REEP5: variants seen among roughly 807,000 people sequenced by gnomAD.
The protein encoded by REEP5 is receptor expression-enhancing protein 5.
In REEP5, 24 loss-of-function variants were observed where a neutral mutation model predicts 22.4. That is an observed-to-expected ratio of 1.07 (90% confidence interval 0.78 to 1.51). The LOEUF is 1.51. Ranked by LOEUF, REEP5 falls within the 40% of genes most tolerant of loss-of-function variation. The pLI, the probability that REEP5 is intolerant of heterozygous loss-of-function variation, is 0.00. For synonymous variants in REEP5, 103 were observed against 88.6 expected, an observed-to-expected ratio of 1.16 and a Z score of -0.92; for missense variants, 252 against 233.0, an observed-to-expected ratio of 1.08 and a Z score of -0.53.
At position 112,892,775 on chromosome 5, in the gene REEP5, ACAG is replaced by A. The variant is rs1768522252; in HGVS notation, c.352-5595_352-5593del. 1.9e-6 allele frequency: 3 copies of A among 1,614,092 alleles called. No individual in the cohort carries two copies. In the East Asian group the frequency reaches 6.7e-5, roughly 36 times the overall value. ...AAGATGGGCCACCACGACCACTACT[ACAG>A]CAGGCAGCGGGGAAGGAGAAACCCT... On this transcript the variant is annotated intron_variant, in intron 3 of 4. Coordinates refer to ENST00000379638, the MANE Select transcript of REEP5 (RefSeq NM_005669.5).
chr5:112,908,471 T>C (rs2150046162), intron 2 of REEP5, among the ~76,000 whole-genome samples: 1 of 152,230 alleles, frequency 6.6e-6, no homozygotes, highest in East Asian at 1.9e-4. Context: ...TTGTTAAAAA[T>C]AAACACTAAA....
chr5:112,902,500 A>T lies in REEP5; in HGVS notation c.231T>A (p.Ser77Arg), dbSNP rs1259461367. 1.2e-6 allele frequency: 2 copies of T among 1,606,848 alleles called. No homozygotes were observed. Among genetic ancestry groups the T allele is most frequent in the Non-Finnish European group, 1.7e-6 (2 of 1,177,656 alleles). The change falls in exon 3 of 5, where the codon AGT becomes AGA. Residue 77 changes from serine to arginine, a missense_variant. By Grantham distance (110) the Ser-to-Arg change is moderately radical. Transcript: ENST00000379638. ...PAYISIKAIE[S>R]PNKEDDTQWL... ...ACTGGGTATCATCTTCTTTGTTGGG[A>T]CTCTCTATAGCTTTAATTCTGAAAG... is the stretch of plus-strand genomic sequence containing the variant.
At chr5:112,922,051 G>T in intron 1 of REEP5, 22 bp downstream of exon 1, 1 of 1,582,044 alleles carries the variant, frequency 6.3e-7, no homozygotes. Context: ...CCTACCAGCG[G>T]CGGCGACCCC....
chr5:112,910,424 T>G (rs1057201746), intron 2 of REEP5, among the ~76,000 whole-genome samples: 12 of 152,174 alleles, frequency 7.9e-5, no homozygotes, highest in Admixed American at 2.6e-4. Flanking sequence ...AATTTCACTG[T>G]GAACCTAAAA....
chr5:112,906,703 A>G (rs575067828), intron 2 of REEP5, among the ~76,000 whole-genome samples: 7 of 152,316 alleles, frequency 4.6e-5, no homozygotes, highest in African/African-American at 1.7e-4. Context: ...TACAGAACTT[A>G]TTAAAAATAT....
chr5:112,891,844 T>C lies in REEP5; in HGVS notation c.352-4661A>G, dbSNP rs748203459. 16 of 1,550,898 alleles carry C rather than the reference T, an allele frequency of 1.0e-5. No homozygotes were observed. In the East Asian group the frequency reaches 3.6e-4, roughly 35 times the overall value. On this transcript the variant is annotated intron_variant, in intron 3 of 4. Transcript: ENST00000379638. ...ACAACAACTAGAAGAAGAGAAGCTA[T>C]TGGAAAGAGAGAGGGAAAGATTACA...
Position 112,906,607 on chromosome 5 carries a change from G to C in REEP5, c.213-4089C>G, listed in dbSNP as rs1768960776. On this transcript the variant is annotated intron_variant, in intron 2 of 4. Coordinates refer to ENST00000379638, the MANE Select transcript of REEP5 (RefSeq NM_005669.5). ...TCTACTCACCTGGATTTGCAGGGGG[G>C]AACTATCAGAAGTGAACAGGATAGT... Among the ~76,000 whole-genome samples, 4 of 152,216 alleles carry C rather than the reference G, an allele frequency of 2.6e-5. No individual in the cohort carries two copies. In the South Asian group the frequency reaches 8.3e-4, roughly 32 times the overall value.
At chr5:112,891,544 C>T (rs1768447921) in intron 3 of REEP5, 3 of 1,497,856 alleles carry the variant, frequency 2.0e-6, no homozygotes, top group East Asian at 5.0e-5. Flanking sequence ...ATAAAATATT[C>T]ATAAGTAGAA....
intron 4 of REEP5, among the ~76,000 whole-genome samples, chr5:112,880,804 A>G (rs888688691): frequency 6.6e-6 from 1 of 152,208 alleles, no homozygotes; most frequent in African/African-American, 2.4e-5. Context: ...GGCTAAGGGA[A>G]GGGAGAAGAA....
At chr5:112,913,345 A>AAAAG (rs766554555) in intron 2 of REEP5, among the ~76,000 whole-genome samples, 1 of 148,564 alleles carries the variant, frequency 6.7e-6, no homozygotes, top group Non-Finnish European at 1.5e-5. Flanking sequence ...GAAAAGAAAG[A>AAAAG]AAAGAAAGAA....
intron 2 of REEP5, among the ~76,000 whole-genome samples, chr5:112,908,093 TG>T (rs371997593): frequency 0.21 from 28,055 of 130,758 alleles, 4,079 homozygotes; most frequent in Non-Finnish European, 0.28. Flanking sequence ...AGACTTTCTT[TG>T]TTTTTTGTTT....
intron 3 of REEP5, among the ~76,000 whole-genome samples, 195 bp downstream of exon 3, chr5:112,902,185 G>A (rs1768864374): frequency 6.7e-6 from 1 of 149,842 alleles, no homozygotes; most frequent in South Asian, 2.1e-4. Flanking sequence ...TACTCGGGAG[G>A]CTGAGGCAAG....
intron 2 of REEP5, among the ~76,000 whole-genome samples, chr5:112,908,086 C>CTTTGTTT (rs1561657600): frequency 5.2e-5 from 4 of 76,766 alleles, no homozygotes; most frequent in African/African-American, 1.4e-4. Context: ...GCATCAGAGA[C>CTTTGTTT]TTTCTTTGTT....
chr5:112,920,746 T>C (rs1769336534), intron 2 of REEP5, among the ~76,000 whole-genome samples: 1 of 152,200 alleles, frequency 6.6e-6, no homozygotes, highest in Non-Finnish European at 1.5e-5. Flanking sequence ...TAATTATGAA[T>C]TAAGGAAGAC....
chr5:112,908,776 C>CG (rs1194408851), intron 2 of REEP5, among the ~76,000 whole-genome samples: 1 of 151,594 alleles, frequency 6.6e-6, no homozygotes, highest in Non-Finnish European at 1.5e-5. Context: ...AGGATTGTCT[C>CG]GATCTCCTGA....
chr5:112,908,700 C>A (rs906932680), intron 2 of REEP5, among the ~76,000 whole-genome samples: 1 of 151,742 alleles, frequency 6.6e-6, no homozygotes, highest in Non-Finnish European at 1.5e-5. Flanking sequence ...ACCACGACAG[C>A]GCCCACGACC....
chr5:112,901,962 C>G (rs1249582733), intron 3 of REEP5, among the ~76,000 whole-genome samples: 1 of 84,218 alleles, frequency 1.2e-5, no homozygotes, highest in Non-Finnish European at 2.3e-5. Flanking sequence ...GACTCCATCT[C>G]AAAAAAAGAA....
intron 4 of REEP5, among the ~76,000 whole-genome samples, chr5:112,882,737 C>G (rs768157623): frequency 3.9e-5 from 6 of 152,174 alleles, no homozygotes; most frequent in Non-Finnish European, 7.3e-5. Flanking sequence ...TGATAGCCCA[C>G]GAAATTTAAA....
chr5:112,878,922 A>C, intron 4 of REEP5, 87 bp from the exon 5 acceptor site: 1 of 1,598,822 alleles, frequency 6.3e-7, no homozygotes, highest in Non-Finnish European at 8.6e-7. Flanking sequence ...TAATGTAGCT[A>C]CTAGATAACA....
Sources: allele counts gnomAD v4.1 joint callset (sites outside exome capture counted in the v4.1 genomes callset), GRCh38; gene constraint gnomAD v4.1.1; transcripts MANE v1.5; gene names NCBI Gene and HGNC (gene_info 2026-07-23, HGNC 2026-07-21).